Variants in WDR7 observed in about 807,000 individuals in gnomAD.
The protein encoded by WDR7 is WD repeat domain 7.
WDR7 carries 46 observed loss-of-function variants against 169.4 expected under a neutral mutation model. The ratio of observed to expected loss-of-function variants is 0.27; its 90% CI spans 0.21 to 0.35. WDR7 has a LOEUF of 0.35. WDR7 is among the 10% of genes least tolerant of loss of function. WDR7 has a pLI of 1.00. For missense variants in WDR7, 1,534 were observed against 1,859.3 expected, an observed-to-expected ratio of 0.83 and a Z score of 3.22; for synonymous variants, 612 against 666.8, an observed-to-expected ratio of 0.92 and a Z score of 1.27.
At chr18:56,656,987 A>G (rs1400244645) in intron 1 of WDR7, among the ~76,000 whole-genome samples, 25 of 152,176 alleles carry the variant, frequency 1.6e-4, no homozygotes, top group Admixed American at 1.6e-3. Context: ...TGATTTTCAT[A>G]TATTGATAAT....
At chr18:56,958,957 A>G (rs2047295996) in intron 25 of WDR7, among the ~76,000 whole-genome samples, 1 of 152,164 alleles carries the variant, frequency 6.6e-6, no homozygotes, top group African/African-American at 2.4e-5. Flanking sequence ...CAGATGGAGG[A>G]TAAAAAGCAA....
chr18:56,969,283 G>T (rs2047451692), intron 26 of WDR7, among the ~76,000 whole-genome samples: 1 of 152,074 alleles, frequency 6.6e-6, no homozygotes, highest in African/African-American at 2.4e-5. Context: ...TTCTTTAATG[G>T]TATACCTGAA....
intron 26 of WDR7, among the ~76,000 whole-genome samples, chr18:56,972,577 G>T (rs1188388034): frequency 6.6e-6 from 1 of 152,134 alleles, no homozygotes. Context: ...TGGCATCAGG[G>T]GTGATCATAA....
In WDR7 at chr18:56,935,848, C is replaced by A. The variant is rs759341837; in HGVS notation, c.3774C>A (p.Ala1258=). 3 of 1,614,134 alleles carry A rather than the reference C, an allele frequency of 1.9e-6. No individual in the cohort carries two copies. The highest frequency in any genetic ancestry group is 2.2e-5 in the South Asian group (2 of 91,080). Residue 1258 remains alanine (A), a synonymous_variant, in exon 23 of 28, where the codon GCC becomes GCA. Coordinates refer to ENST00000254442, the MANE Select transcript of WDR7 (RefSeq NM_015285.3). ...ACTCGGCCCGCTCTGCGAGGCATGC[C>A]CTCTCGCTCATTGCCACCGCCAGAC... ...AADSARSARH[A]LSLIATARPP...
At chr18:56,841,413 G>A (rs954568232) in intron 20 of WDR7, among the ~76,000 whole-genome samples, 1 of 151,730 alleles carries the variant, frequency 6.6e-6, no homozygotes, top group African/African-American at 2.4e-5. Context: ...GCGTGGTAGT[G>A]TGTGCCTATA....
At chr18:56,803,007 T>C (rs1442529311) in intron 19 of WDR7, among the ~76,000 whole-genome samples, 1 of 152,184 alleles carries the variant, frequency 6.6e-6, no homozygotes, top group Non-Finnish European at 1.5e-5. Context: ...TCATGCTTTT[T>C]ATCATGTATC....
intron 18 of WDR7, among the ~76,000 whole-genome samples, chr18:56,780,304 C>A (rs939037622): frequency 6.6e-6 from 1 of 152,132 alleles, no homozygotes; most frequent in African/African-American, 2.4e-5. Context: ...ATAGCCATAG[C>A]AGTTTATATT....
chr18:56,781,015 A>G (rs1053459540), intron 18 of WDR7, among the ~76,000 whole-genome samples: 2 of 152,256 alleles, frequency 1.3e-5, no homozygotes, highest in Non-Finnish European at 2.9e-5. Flanking sequence ...TGTCAAAAAC[A>G]TTGTTTAAGC....
chr18:56,691,795 T>C lies in WDR7; in HGVS notation c.944T>C (p.Leu315Pro), dbSNP rs1355702266. 6.2e-7 allele frequency: 1 copy of C among 1,610,626 alleles called. No homozygotes were observed. The highest frequency in any genetic ancestry group is 1.3e-5 in the African/African-American group (1 of 74,844). Residue 315 changes from leucine to proline, a missense_variant, in exon 9 of 28, where the codon CTC becomes CCC. By Grantham distance (98) the Leu-to-Pro change is moderately conservative (BLOSUM62 -3). Coordinates refer to ENST00000254442, the MANE Select transcript of WDR7 (RefSeq NM_015285.3). ...TTAATTCCTCCTGTACAACATATCC[T>C]CTTGGATCGAAAAGATAAAGAGGTA... Reference protein sequence around the residue: ...ENLIPPVQHILLDRKDKELLI... With the variant: ...ENLIPPVQHIPLDRKDKELLI...
intron 6 of WDR7, 125 bp downstream of exon 6, chr18:56,686,157 T>C: frequency 2.7e-6 from 2 of 740,632 alleles, no homozygotes; most frequent in South Asian, 4.2e-5. Flanking sequence ...TTTGATAATT[T>C]TCTTATAGGC....
intron 20 of WDR7, among the ~76,000 whole-genome samples, chr18:56,850,888 C>A (rs2045629964): frequency 6.6e-6 from 1 of 152,142 alleles, no homozygotes; most frequent in Non-Finnish European, 1.5e-5. Flanking sequence ...CCACCATTCA[C>A]TGTTTATTCC....
At position 56,658,363 on chromosome 18, in the gene WDR7, C is replaced by G. The variant is rs531341085; in HGVS notation, c.-20+6787C>G. The stretch of plus-strand genomic sequence containing the variant: ...AAGTGATCTGCCTGCCTCGGCCTCC[C>G]AAAGTACTGGAATTAGTCATGAGCC... On this transcript the variant is annotated intron_variant, in intron 1 of 27. Coordinates refer to ENST00000254442, the MANE Select transcript of WDR7 (RefSeq NM_015285.3). Among the ~76,000 whole-genome samples the G allele has an allele frequency of 6.9e-4, 105 of 152,248 alleles. 1 individual carries two copies. Among genetic ancestry groups the G allele is most frequent in the African/African-American group, 2.5e-3 (102 of 41,536 alleles).
chr18:56,840,623 C>G (rs2045469495), intron 20 of WDR7, among the ~76,000 whole-genome samples: 1 of 152,040 alleles, frequency 6.6e-6, no homozygotes, highest in Non-Finnish European at 1.5e-5. Context: ...CAGTTTGAGA[C>G]CAGCCTGGGC....
At chr18:56,905,372 C>T (rs754319416) in intron 21 of WDR7, among the ~76,000 whole-genome samples, 3 of 152,240 alleles carry the variant, frequency 2.0e-5, no homozygotes, top group Non-Finnish European at 2.9e-5. Flanking sequence ...TGGTCTTGAG[C>T]TCCTGGCCTC....
intron 20 of WDR7, among the ~76,000 whole-genome samples, chr18:56,846,687 G>GTT (rs1332660170): frequency 2.6e-5 from 4 of 152,150 alleles, no homozygotes; most frequent in Admixed American, 6.5e-5. Flanking sequence ...AGAGCTGGCT[G>GTT]TTTTAAAAAA....
chr18:56,695,197 A>C lies in WDR7; in HGVS notation c.1356A>C (p.Arg452Ser), dbSNP rs747440240. ...TGCAAGGGGAACACATGCTCAGAAG[A>C]GGTATACTGAAGAGCTCCGTATGTC... ...QLLQGEHMLR[R>S]GWPPHRTLRG... The change falls in exon 11 of 28, where the codon AGA (arginine) becomes AGC (serine). Residue 452 changes from arginine to serine, a missense_variant and splice_region_variant. Coordinates refer to ENST00000254442, the MANE Select transcript of WDR7 (RefSeq NM_015285.3). The C allele has an allele frequency of 6.2e-7, 1 of 1,613,870 alleles. No homozygotes were observed. Among genetic ancestry groups the C allele is most frequent in the African/African-American group, 1.3e-5 (1 of 75,048 alleles).
rs190281536 is a variant in WDR7, at chr18:56,743,974, G to A, written c.1989+12377G>A. On this transcript the variant is annotated intron_variant, in intron 14 of 27. Coordinates refer to ENST00000254442, the MANE Select transcript of WDR7 (RefSeq NM_015285.3). Reference sequence around the variant, plus strand: ...AAGGGAAAGAGCAGAGGCTGGGGCCGGGCGCGGTGGCTCACGCCTGTAATC... The same window carrying A: ...AAGGGAAAGAGCAGAGGCTGGGGCCAGGCGCGGTGGCTCACGCCTGTAATC... 1.9e-3 allele frequency among the ~76,000 whole-genome samples: 295 copies of A among 152,016 alleles called. 4 individuals are homozygous for A. Among genetic ancestry groups the A allele is most frequent in the Admixed American group, 0.017 (264 of 15,272 alleles).
At chr18:56,927,765 A>G (rs953039680) in intron 22 of WDR7, among the ~76,000 whole-genome samples, 1 of 152,204 alleles carries the variant, frequency 6.6e-6, no homozygotes, top group Non-Finnish European at 1.5e-5. Context: ...AATCAAGCAT[A>G]TTGTATAATT....
intron 13 of WDR7, among the ~76,000 whole-genome samples, chr18:56,728,597 C>T (rs1006347421): frequency 1.3e-5 from 2 of 152,150 alleles, no homozygotes; most frequent in African/African-American, 2.4e-5. Context: ...AGCTGCCTAC[C>T]TGCATAGATG....
Sources: allele counts gnomAD v4.1 joint callset (sites outside exome capture counted in the v4.1 genomes callset), GRCh38; gene constraint gnomAD v4.1.1; transcripts MANE v1.5; gene names NCBI Gene and HGNC (gene_info 2026-07-23, HGNC 2026-07-21).